The following RHEB variants were observed in gnomAD, a reference collection of about 807,000 sequenced individuals.
The protein encoded by RHEB is GTP-binding protein Rheb.
In RHEB, 2 loss-of-function variants were observed where a neutral mutation model predicts 28.8. The ratio of observed to expected loss-of-function variants is 0.07; its 90% CI spans 0.03 to 0.22. The LOEUF (loss-of-function observed/expected upper bound fraction) is 0.22. Among genes scored for constraint, RHEB ranks in the 10% least tolerant of loss-of-function variants. The pLI is 1.00. For missense variants in RHEB, 76 were observed against 219.9 expected (o/e 0.35, Z 4.14); for synonymous variants, 69 against 77.3 (o/e 0.89, Z 0.56).
intron 3 of RHEB, among the ~76,000 whole-genome samples, chr7:151,481,441 A>T (rs1168202235): frequency 6.6e-6 from 1 of 152,234 alleles, no homozygotes; most frequent in Admixed American, 6.5e-5. Context: ...GATTACTTTT[A>T]AAAGAATTTG....
At position 151,472,034 on chromosome 7, in the gene RHEB, A is replaced by G. The variant is rs1430644010; in HGVS notation, c.276-429T>C. On this transcript the variant is annotated intron_variant, in intron 4 of 7. Transcript: ENST00000262187. This position sits in a 1 kb window ranked among gnomAD's most constrained non-coding sequence, Gnocchi z 5.2. ...GTGATGCCAGTATCTCTTGGCTTTC[A>G]ATCAGATCAATGAGCCGATGACTCT... 1 of 160,876 alleles carries G rather than the reference A, an allele frequency of 6.2e-6. No homozygotes were observed. The highest frequency in any genetic ancestry group is 1.3e-5 in the Non-Finnish European group (1 of 74,508). The allele number at this position is 160,876 out of a possible 1,614,324, so 10.0% of individuals were successfully genotyped here. A position where few individuals can be genotyped will look rare whatever the true frequency, so the allele number is the denominator to read the frequency against.
intron 1 of RHEB, among the ~76,000 whole-genome samples, chr7:151,518,515 G>A (rs1803121575): frequency 6.6e-6 from 1 of 152,088 alleles, no homozygotes; most frequent in African/African-American, 2.4e-5. Flanking sequence ...GCTTCCGGAT[G>A]TCGGGAGACA....
At chr7:151,484,667 A>C in intron 3 of RHEB, 70 bp downstream of exon 3, 1 of 1,168,712 alleles carries the variant, frequency 8.6e-7, no homozygotes. Flanking sequence ...TGGTACTTTT[A>C]AAAATCAGTG....
chr7:151,501,563 T>TA (rs1202606236), intron 1 of RHEB, among the ~76,000 whole-genome samples: 1 of 152,200 alleles, frequency 6.6e-6, no homozygotes, highest in Admixed American at 6.5e-5. Flanking sequence ...AACCTACACT[T>TA]ACCATATGAC....
chr7:151,519,889 C>T lies in RHEB; in HGVS notation c.-378G>A, dbSNP rs541677415. On this transcript the variant is annotated 5_prime_UTR_variant, in exon 1 of 8. Transcript: ENST00000262187. ...ACGACTGAAACTCGCTGCGTCATGA[C>T]CCTCCCACCTTCTTCCGCCGCTTTT... 3.8e-5 allele frequency: 7 copies of T among 181,878 alleles called. No individual in the cohort carries two copies. The highest frequency in any genetic ancestry group is 1.2e-4 in the African/African-American group (5 of 42,602). The allele number at this position is 181,878 out of a possible 1,614,324, so 11.3% of individuals were successfully genotyped here.
chr7:151,484,664 T>G, intron 3 of RHEB, 73 bp downstream of exon 3: 1 of 1,149,642 alleles, frequency 8.7e-7, no homozygotes, highest in Non-Finnish European at 1.3e-6. Flanking sequence ...AGCTGGTACT[T>G]TTAAAAATCA....
chr7:151,479,421 G>T (rs989638503), intron 3 of RHEB, among the ~76,000 whole-genome samples: 3 of 152,072 alleles, frequency 2.0e-5, no homozygotes, highest in Admixed American at 1.3e-4. Flanking sequence ...AATGGCTCAC[G>T]TCTGTAATCC....
At chr7:151,480,335 T>C (rs566360021) in intron 3 of RHEB, among the ~76,000 whole-genome samples, 9 of 152,206 alleles carry the variant, frequency 5.9e-5, no homozygotes, top group Non-Finnish European at 8.8e-5. Flanking sequence ...AAGGAGGCCA[T>C]AGGTATTGAT....
In RHEB at chr7:151,468,348, C is replaced by T. The variant is rs1584844199; in HGVS notation, c.463-1137G>A. Among the ~76,000 whole-genome samples the T allele has an allele frequency of 6.6e-6, 1 of 152,360 alleles. No individual in the cohort carries two copies. The highest frequency in any genetic ancestry group is 2.4e-5 in the African/African-American group (1 of 41,588). On this transcript the variant is annotated intron_variant, in intron 7 of 7. Transcript: ENST00000262187. The surrounding 1 kb of genome is among the most constrained non-coding windows in gnomAD (Gnocchi z 4.3). ...CGGTCAGCTCAGACTCAGCAGGCCA[C>T]CATGGCGCCACTGTACTTCAACTCC...
intron 3 of RHEB, among the ~76,000 whole-genome samples, chr7:151,477,662 A>G (rs1292293138): frequency 6.6e-6 from 1 of 152,206 alleles, no homozygotes. Flanking sequence ...GACCTTCATA[A>G]TTTCTGGGAG....
chr7:151,483,517 A>G (rs11761360), intron 3 of RHEB, among the ~76,000 whole-genome samples: 90,828 of 152,018 alleles, frequency 0.6, 27,355 homozygotes, highest in South Asian at 0.68. Flanking sequence ...TCAGGAGTTC[A>G]AGACCAGCCA....
At chr7:151,504,260 A>G (rs148497862) in intron 1 of RHEB, among the ~76,000 whole-genome samples, 322 of 152,180 alleles carry the variant, frequency 2.1e-3, no homozygotes, top group Admixed American at 3.5e-3. Context: ...GTTGGATATG[A>G]TGGGGCTTCT....
At position 151,493,082 on chromosome 7, in the gene RHEB, C is replaced by T. The variant is rs181142289; in HGVS notation, c.53-2068G>A. Among the ~76,000 whole-genome samples the T allele has an allele frequency of 3.6e-3, 551 of 152,208 alleles. 3 individuals carry two copies. Among genetic ancestry groups the T allele is most frequent in the Admixed American group, 0.012 (182 of 15,288 alleles). On this transcript the variant is annotated intron_variant, in intron 1 of 7. Coordinates refer to ENST00000262187, the MANE Select transcript of RHEB (RefSeq NM_005614.4). Reference sequence around the variant, plus strand: ...GGTCTCGAACTCCTGACCTCATGATCCACCCGCCTCGGCCTCCCAAAGTGC... The same window carrying T: ...GGTCTCGAACTCCTGACCTCATGATTCACCCGCCTCGGCCTCCCAAAGTGC...
chr7:151,467,143 G>C lies in RHEB; in HGVS notation c.531C>G (p.Gly177=). The part of the protein sequence containing the change: ...AEKMDGAASQ[G]KSSCSVM ...ATCACATCACCGAGCATGAAGACTT[G>C]CCTTGTGAAGCTGCCCCGTCCATTT... The change falls in exon 8 of 8, where the codon GGC becomes GGG. Residue 177 remains glycine, a synonymous_variant. Coordinates refer to ENST00000262187, the MANE Select transcript of RHEB (RefSeq NM_005614.4). 1 of 1,613,320 alleles carries C rather than the reference G, an allele frequency of 6.2e-7. No homozygotes were observed. The highest frequency in any genetic ancestry group is 8.5e-7 in the Non-Finnish European group (1 of 1,179,314).
Position 151,512,108 on chromosome 7 carries a change from G to A in RHEB, c.52+7352C>T, listed in dbSNP as rs148177022. On this transcript the variant is annotated intron_variant, in intron 1 of 7. Transcript: ENST00000262187. Reference sequence around the variant, plus strand: ...TTCAGAATAAATTAGAACTAAGAATGAAGGTTCCTTCAAGTATGATCCCTA... The same window carrying A: ...TTCAGAATAAATTAGAACTAAGAATAAAGGTTCCTTCAAGTATGATCCCTA... Among the ~76,000 whole-genome samples the A allele has an allele frequency of 7.2e-3, 1,097 of 152,306 alleles. 17 individuals carry two copies. Among genetic ancestry groups the A allele is most frequent in the African/African-American group, 0.024 (1,016 of 41,576 alleles).
chr7:151,488,146 A>G (rs1428780295), intron 2 of RHEB, among the ~76,000 whole-genome samples: 1 of 152,244 alleles, frequency 6.6e-6, no homozygotes. Flanking sequence ...GCTTAATTTC[A>G]GCCTATCAAT....
chr7:151,517,690 CAAA>C (rs554116118), intron 1 of RHEB, among the ~76,000 whole-genome samples: 16 of 76,746 alleles, frequency 2.1e-4, no homozygotes, highest in Admixed American at 3.0e-4. Context: ...CTTCTGTAGC[CAAA>C]AAAAAAAAAA....
intron 7 of RHEB, among the ~76,000 whole-genome samples, chr7:151,469,696 G>A (rs934996776): frequency 6.6e-6 from 1 of 152,202 alleles, no homozygotes; most frequent in African/African-American, 2.4e-5. Context: ...GGGAGCATGA[G>A]GAAAGGTGAG....
chr7:151,502,020 G>C (rs1802781135), intron 1 of RHEB: 3 of 474,752 alleles, frequency 6.3e-6, no homozygotes, highest in Non-Finnish European at 1.2e-5. Context: ...CAGATCACCT[G>C]AGGTCAGGAG....
Sources: allele counts gnomAD v4.1 joint callset (sites outside exome capture counted in the v4.1 genomes callset), GRCh38; gene constraint gnomAD v4.1.1; non-coding constraint Gnocchi (gnomAD v3.1); transcripts MANE v1.5; gene names NCBI Gene and HGNC (gene_info 2026-07-23, HGNC 2026-07-21).